Variants in CNTN1 observed in about 807,000 individuals in gnomAD.
CNTN1 encodes contactin-1.
In CNTN1, 38 loss-of-function variants were observed where a neutral mutation model predicts 126.4. The observed-to-expected ratio is 0.30, with a 90% CI of 0.23 to 0.39. The LOEUF is 0.39. Ranked by LOEUF, CNTN1 falls within the 10% of genes least tolerant of loss-of-function variation. The pLI is 1.00. For synonymous variants in CNTN1, 413 were observed against 422.6 expected (o/e 0.98, Z 0.28); for missense variants, 1,009 against 1,248.4 (o/e 0.81, Z 2.89).
intron 1 of CNTN1, among the ~76,000 whole-genome samples, chr12:40,834,099 C>T (rs899072509): frequency 6.6e-6 from 1 of 152,118 alleles, no homozygotes; most frequent in African/African-American, 2.4e-5. Flanking sequence ...AACAATGAAC[C>T]AAATGCAATT....
intron 17 of CNTN1, among the ~76,000 whole-genome samples, chr12:41,004,153 A>G (rs1948435039): frequency 6.6e-6 from 1 of 152,102 alleles, no homozygotes; most frequent in Non-Finnish European, 1.5e-5. Context: ...CTTTGTTTTC[A>G]TTAATTTTAA....
At chr12:41,060,604 G>A (rs552298810) in intron 23 of CNTN1, among the ~76,000 whole-genome samples, 2 of 152,260 alleles carry the variant, frequency 1.3e-5, no homozygotes, top group Non-Finnish European at 2.9e-5. Context: ...ACAAAGTTGG[G>A]GCTGTAAATG....
chr12:40,796,306 T>C (rs918485031), intron 1 of CNTN1, among the ~76,000 whole-genome samples: 4 of 152,014 alleles, frequency 2.6e-5, no homozygotes, highest in African/African-American at 9.7e-5. Context: ...TTAACCAACT[T>C]CAAGTCATAC....
intron 16 of CNTN1, among the ~76,000 whole-genome samples, chr12:40,988,593 C>A (rs1592367764): frequency 6.6e-6 from 1 of 152,106 alleles, no homozygotes; most frequent in African/African-American, 2.4e-5. Flanking sequence ...AGGCTTGATT[C>A]TCTTTTCCTC....
rs192396076 is a variant in CNTN1, at chr12:40,972,033, A to G, written c.1805-8876A>G. ...TACCATACATATTCTTTGGCATGAA[A>G]GAATGAAAAGCATTAGTAAACAACT... is the stretch of plus-strand genomic sequence containing the variant. On this transcript the variant is annotated intron_variant, in intron 15 of 23. Transcript: ENST00000551295. 5 of 986,072 alleles carry G rather than the reference A, an allele frequency of 5.1e-6. No individual in the cohort carries two copies. The East Asian group carries it at 5.7e-4, about 112-fold the overall frequency. The allele number at this position is 986,072 out of a possible 1,614,324, so 61.1% of individuals were successfully genotyped here. A position where few individuals can be genotyped will look rare whatever the true frequency, so the allele number is the denominator to read the frequency against.
At position 40,933,705 on chromosome 12, in the gene CNTN1, C is replaced by T. The variant is rs1158555477; in HGVS notation, c.812C>T (p.Pro271Leu). 7 of 1,612,540 alleles carry T rather than the reference C, an allele frequency of 4.3e-6. 1 individual carries two copies. The highest frequency in any genetic ancestry group is 2.2e-5 in the South Asian group (2 of 91,056). Residue 271 changes from proline to leucine, a missense_variant, in exon 9 of 24, where the codon CCG becomes CTG. Transcript: ENST00000551295. The stretch of plus-strand genomic sequence containing the variant: ...GTATCTTCTATTTAAAGTCCTGTTC[C>T]GGATATCCGATGGCGGAAGGTTCTA... ...LECFALGNPVPDIRWRKVLEP... is the reference protein window; with the variant it reads ...LECFALGNPVLDIRWRKVLEP...
At chr12:40,692,870 T>C (rs1483967203) in intron 1 of CNTN1, among the ~76,000 whole-genome samples, 3 of 152,080 alleles carry the variant, frequency 2.0e-5, no homozygotes, top group Non-Finnish European at 4.4e-5. Context: ...TCTCGTCAAC[T>C]TTCCTTTCGG....
rs548330075 is a variant in CNTN1 at position 40,933,798 on chromosome 12, T to C, written c.905T>C (p.Leu302Pro). Residue 302 changes from leucine to proline, a missense_variant, in exon 9 of 24, where the codon CTA becomes CCA. Coordinates refer to ENST00000551295, the MANE Select transcript of CNTN1 (RefSeq NM_001843.4). ...GAVLKIFNIQ[L>P]EDEGIYECEA... ...GTTCTTAAGATCTTCAATATTCAGCTAGAAGATGAAGGCATCTATGAATGT... is the reference window on the plus strand; with the variant it reads ...GTTCTTAAGATCTTCAATATTCAGCCAGAAGATGAAGGCATCTATGAATGT... 4.0e-5 allele frequency: 64 copies of C among 1,612,698 alleles called. 1 individual carries two copies. The South Asian group carries it at 6.3e-4, about 16-fold the overall frequency.
intron 1 of CNTN1, among the ~76,000 whole-genome samples, chr12:40,806,495 C>T (rs1357850052): frequency 1.3e-5 from 2 of 152,128 alleles, no homozygotes; most frequent in Non-Finnish European, 2.9e-5. Flanking sequence ...CAGGGAAGTG[C>T]ATGGCATCAC....
intron 1 of CNTN1, among the ~76,000 whole-genome samples, chr12:40,711,370 GA>G: frequency 6.6e-6 from 1 of 152,068 alleles, no homozygotes; most frequent in East Asian, 1.9e-4. Flanking sequence ...TTATTGTAGA[GA>G]AAAAGTAAAG....
intron 1 of CNTN1, among the ~76,000 whole-genome samples, chr12:40,695,932 C>A (rs1434958989): frequency 2.0e-5 from 3 of 152,120 alleles, no homozygotes; most frequent in Non-Finnish European, 2.9e-5. Flanking sequence ...TTACACTTAC[C>A]CTATCGGCTA....
At chr12:40,976,884 A>G (rs368737095) in intron 15 of CNTN1, among the ~76,000 whole-genome samples, 16 of 152,206 alleles carry the variant, frequency 1.1e-4, no homozygotes, top group Admixed American at 4.6e-4. Context: ...CACATTCCCA[A>G]ATTTTCCTCA....
chr12:41,047,155 A>G (rs1224393908), intron 23 of CNTN1, among the ~76,000 whole-genome samples: 2 of 151,872 alleles, frequency 1.3e-5, no homozygotes, highest in African/African-American at 4.8e-5. Flanking sequence ...ACATACCTAG[A>G]GACTCTGAGA....
chr12:41,063,110 G>C (rs78258504), intron 23 of CNTN1, among the ~76,000 whole-genome samples: 2,464 of 152,252 alleles, frequency 0.016, 71 homozygotes, highest in African/African-American at 0.053. Flanking sequence ...TGAAAAATTC[G>C]AACGCTGCAC....
chr12:40,784,091 G>A (rs892330301), intron 1 of CNTN1, among the ~76,000 whole-genome samples: 1 of 152,058 alleles, frequency 6.6e-6, no homozygotes, highest in Non-Finnish European at 1.5e-5. Context: ...GAAGCCCAAA[G>A]GGTGCTATTA....
At position 40,968,040 on chromosome 12, in the gene CNTN1, G is replaced by C. The variant is rs577620499; in HGVS notation, c.1804+8806G>C. 1.6e-4 allele frequency among the ~76,000 whole-genome samples: 24 copies of C among 151,060 alleles called. No homozygotes were observed. The East Asian group carries it at 4.5e-3, about 28-fold the overall frequency. On this transcript the variant is annotated intron_variant, in intron 15 of 23. Coordinates refer to ENST00000551295, the MANE Select transcript of CNTN1 (RefSeq NM_001843.4). ...TTGTTTACCAGATTTAATTTTAAAG[G>C]ACAGGTATCGTTACTGTATTATATT...
intron 23 of CNTN1, among the ~76,000 whole-genome samples, chr12:41,031,457 TTAC>T (rs1383155098): frequency 1.3e-5 from 2 of 152,152 alleles, no homozygotes; most frequent in Non-Finnish European, 2.9e-5. Flanking sequence ...TTTTGAGTAT[TTAC>T]TACATTTGTT....
intron 1 of CNTN1, among the ~76,000 whole-genome samples, chr12:40,832,285 C>A (rs1941869896): frequency 6.6e-6 from 1 of 152,156 alleles, no homozygotes; most frequent in Non-Finnish European, 1.5e-5. Flanking sequence ...TTTTTGATTG[C>A]ATATTTGACA....
Position 40,936,821 on chromosome 12 carries a change from G to T in CNTN1, c.1026G>T (p.Val342=), listed in dbSNP as rs1233996162. ...TAGAACACATCAATGACACAGAGGT[G>T]GACATAGGCAGTGATCTCTACTGGC... ...EWVEHINDTE[V]DIGSDLYWPC... is the part of the protein sequence containing the mutation. The change falls in exon 10 of 24, where the codon GTG becomes GTT. Residue 342 remains valine (V), a synonymous_variant. Transcript: ENST00000551295. 2.5e-6 allele frequency: 4 copies of T among 1,613,310 alleles called. No homozygotes were observed. The South Asian group carries it at 3.3e-5, about 13-fold the overall frequency.
Sources: gnomAD v4.1 joint callset for allele counts (sites outside exome capture counted in the v4.1 genomes callset) on GRCh38, gnomAD v4.1.1 for gene constraint, MANE v1.5 for transcripts, NCBI Gene and HGNC (gene_info 2026-07-23, HGNC 2026-07-21) for gene names.